Variants in CARS2 observed in about 807,000 individuals in gnomAD.
CARS2 encodes cysteinyl-tRNA synthetase 2, mitochondrial.
Under a neutral mutation model 68.8 loss-of-function variants are expected in CARS2, and 52 were observed. The ratio of observed to expected loss-of-function variants is 0.76; its 90% CI spans 0.61 to 0.95. The LOEUF (loss-of-function observed/expected upper bound fraction) is 0.95, where lower values mean the gene tolerates loss of function less well. CARS2 is among the 40% of genes least tolerant of loss of function. The pLI, the probability that CARS2 is intolerant of heterozygous loss-of-function variation, is 0.00. For synonymous variants in CARS2, 314 were observed against 303.6 expected, an observed-to-expected ratio of 1.03 and a Z score of -0.36; for missense variants, 780 against 754.2, an observed-to-expected ratio of 1.03 and a Z score of -0.40.
intron 6 of CARS2, among the ~76,000 whole-genome samples, chr13:110,682,305 C>T (rs953264152): frequency 6.6e-6 from 1 of 152,254 alleles, no homozygotes; most frequent in African/African-American, 2.4e-5. Flanking sequence ...ACACGGCCTG[C>T]TGGTAGCCAC....
intron 9 of CARS2, among the ~76,000 whole-genome samples, chr13:110,654,747 G>A (rs146534034): frequency 1.3e-5 from 2 of 151,630 alleles, no homozygotes; most frequent in East Asian, 1.9e-4. Flanking sequence ...GTGAGACTTC[G>A]TCTCTAGAAA....
At chr13:110,701,021 A>C (rs560635635) in intron 3 of CARS2, among the ~76,000 whole-genome samples, 2 of 152,366 alleles carry the variant, frequency 1.3e-5, no homozygotes, top group South Asian at 2.1e-4. Context: ...CACATGGACA[A>C]TAAGATGTGA....
rs1022283369 is a variant in CARS2, at chr13:110,653,475, C to A, written c.988-2375G>T. 6.6e-6 allele frequency among the ~76,000 whole-genome samples: 1 copy of A among 152,314 alleles called. No individual in the cohort carries two copies. The highest frequency in any genetic ancestry group is 2.4e-5 in the African/African-American group (1 of 41,558). ...TCAGGTTGCGCCCTATTTAGGTCTC[C>A]GGGTTTCGGTGTGGAAACACCACTC... On this transcript the variant is annotated intron_variant, in intron 9 of 14. Transcript: ENST00000257347. This position sits in a 1 kb window ranked among gnomAD's most constrained non-coding sequence, Gnocchi z 5.6.
rs749658044 is a variant in CARS2 at position 110,653,643 on chromosome 13, CCAA to C, written c.988-2546_988-2544del. Among the ~76,000 whole-genome samples, 8 of 152,194 alleles carry C rather than the reference CCAA, an allele frequency of 5.3e-5. No homozygotes were observed. Among genetic ancestry groups the C allele is most frequent in the Non-Finnish European group, 1.0e-4 (7 of 68,046 alleles). On this transcript the variant is annotated intron_variant, in intron 9 of 14. Coordinates refer to ENST00000257347, the MANE Select transcript of CARS2 (RefSeq NM_024537.4). This position sits in a 1 kb window ranked among gnomAD's most constrained non-coding sequence, Gnocchi z 5.6. ...ACGCATCTCATAGTTCTCTGAAACC[CCAA>C]CAACATTAAAGGCTTATCTTCCCTG...
Position 110,645,488 on chromosome 13 carries a change from C to T in CARS2, c.1317+479G>A, listed in dbSNP as rs371067389. ...ACGTGCAGGAACCAAAGCCTGCCGCCGCCTTCACGGTCTTTGTCCCACCTG... is the reference window on the plus strand; with the variant it reads ...ACGTGCAGGAACCAAAGCCTGCCGCTGCCTTCACGGTCTTTGTCCCACCTG... On this transcript the variant is annotated intron_variant, in intron 12 of 14. Coordinates refer to ENST00000257347, the MANE Select transcript of CARS2 (RefSeq NM_024537.4). 96 of 152,632 alleles carry T rather than the reference C, an allele frequency of 6.3e-4. 4 individuals carry two copies. In the South Asian group the frequency reaches 0.018, roughly 29 times the overall value. The allele number at this position is 152,632 out of a possible 1,614,324, so 9.5% of individuals were successfully genotyped here.
At chr13:110,681,791 T>C (rs1348126784) in intron 6 of CARS2, among the ~76,000 whole-genome samples, 3 of 152,210 alleles carry the variant, frequency 2.0e-5, no homozygotes, top group Non-Finnish European at 4.4e-5. Flanking sequence ...GGAAAATTAC[T>C]GTGTATTCCT....
At chr13:110,658,126 A>G (rs2062416176) in intron 9 of CARS2, among the ~76,000 whole-genome samples, 1 of 152,262 alleles carries the variant, frequency 6.6e-6, no homozygotes, top group Non-Finnish European at 1.5e-5. Flanking sequence ...CAGGAAAAAT[A>G]AAAGTAGAAA....
intron 3 of CARS2, among the ~76,000 whole-genome samples, chr13:110,692,023 T>TATAC (rs1304954360): frequency 4.5e-4 from 30 of 66,098 alleles, no homozygotes; most frequent in African/African-American, 1.2e-3. Context: ...TATATATATA[T>TATAC]ACACACACAC....
chr13:110,709,189 C>T (rs755673185), upstream of CARS2, among the ~76,000 whole-genome samples: 1 of 151,650 alleles, frequency 6.6e-6, no homozygotes, highest in African/African-American at 2.4e-5. Flanking sequence ...TCACGTCTCC[C>T]GGGTTCAAGC....
At chr13:110,713,120 CG>C (rs542958390) in intron 1 of CARS2, 6 of 1,429,884 alleles carry the variant, frequency 4.2e-6, no homozygotes, top group Admixed American at 2.8e-5. Context: ...AGTAAGAGTC[CG>C]GGGGGCATTA....
At chr13:110,646,135 C>G (rs895092708) in intron 11 of CARS2, 45 bp from the exon 12 acceptor site, 1 of 1,583,486 alleles carries the variant, frequency 6.3e-7, no homozygotes, top group African/African-American at 1.4e-5. Context: ...GAGCTCCACT[C>G]TCCCCAGGCG....
intron 8 of CARS2, chr13:110,664,313 G>T: frequency 1.9e-6 from 1 of 533,520 alleles, no homozygotes; most frequent in Non-Finnish European, 2.4e-6. Flanking sequence ...TTGGAGACCA[G>T]TCTGGGCAAC....
chr13:110,701,558 GA>G lies in CARS2; in HGVS notation c.276-4del. On this transcript the variant is annotated splice_polypyrimidine_tract_variant and splice_region_variant and intron_variant, in intron 2 of 14. Transcript: ENST00000257347. Reference sequence around the variant, plus strand: ...TGATATCAAATCTAACATATGAGCTGAAAGAAAAAAAGTGTCAGGATGTCTT... The same window carrying G: ...TGATATCAAATCTAACATATGAGCTGAAGAAAAAAAGTGTCAGGATGTCTT... 7.4e-7 allele frequency: 1 copy of G among 1,343,766 alleles called. No homozygotes were observed. The highest frequency in any genetic ancestry group is 1.1e-6 in the Non-Finnish European group (1 of 940,254). The allele number at this position is 1,343,766 out of a possible 1,614,324, so 83.2% of individuals were successfully genotyped here.
chr13:110,674,467 G>T (rs1234771921), intron 7 of CARS2, among the ~76,000 whole-genome samples: 1 of 151,340 alleles, frequency 6.6e-6, no homozygotes, highest in Non-Finnish European at 1.5e-5. Flanking sequence ...AATGGGGAAA[G>T]GATTCCCTAT....
At chr13:110,688,488 A>G (rs2063368604) in intron 3 of CARS2, among the ~76,000 whole-genome samples, 1 of 152,106 alleles carries the variant, frequency 6.6e-6, no homozygotes, top group South Asian at 2.1e-4. Flanking sequence ...AGAAAACAAA[A>G]CATACCAAGG....
chr13:110,691,262 T>C (rs996207666), intron 3 of CARS2, among the ~76,000 whole-genome samples: 39 of 152,160 alleles, frequency 2.6e-4, no homozygotes, highest in Non-Finnish European at 4.0e-4. Context: ...GTGATCCACC[T>C]TCCTCGGCCT....
upstream of CARS2, among the ~76,000 whole-genome samples, chr13:110,710,792 C>T (rs775024298): frequency 2.6e-5 from 4 of 152,190 alleles, no homozygotes; most frequent in Non-Finnish European, 5.9e-5. Context: ...GTATCCCCAG[C>T]GCACGGACCA....
intron 9 of CARS2, among the ~76,000 whole-genome samples, chr13:110,659,200 G>T (rs1337130919): frequency 2.6e-5 from 4 of 151,966 alleles, no homozygotes; most frequent in Non-Finnish European, 5.9e-5. Context: ...GCCCCTGAAG[G>T]GTACCACAGC....
chr13:110,675,054 A>C (rs1300961720), intron 7 of CARS2, among the ~76,000 whole-genome samples: 1 of 151,886 alleles, frequency 6.6e-6, no homozygotes, highest in Non-Finnish European at 1.5e-5. Flanking sequence ...AAACTCAGGA[A>C]ACAACAGGTG....
Sources: allele counts gnomAD v4.1 joint callset (sites outside exome capture counted in the v4.1 genomes callset), GRCh38; gene constraint gnomAD v4.1.1; non-coding constraint Gnocchi (gnomAD v3.1); transcripts MANE v1.5; gene names NCBI Gene and HGNC (gene_info 2026-07-23, HGNC 2026-07-21).